Variants in EPHB1 observed in about 807,000 individuals in gnomAD.
EPHB1 encodes ephrin type-B receptor 1.
A neutral mutation model predicts 94.4 loss-of-function variants in EPHB1; 30 were observed. The ratio of observed to expected loss-of-function variants is 0.32; its 90% CI spans 0.24 to 0.43. EPHB1 has a LOEUF of 0.43. Among genes scored for constraint, EPHB1 ranks in the 20% least tolerant of loss-of-function variants. The probability of loss-of-function intolerance (pLI) is 1.00; values close to 1 mark genes in which losing one functional copy is unlikely to be tolerated. For missense variants in EPHB1, 1,055 were observed against 1,308.3 expected, an observed-to-expected ratio of 0.81 and a Z score of 2.99; for synonymous variants, 522 against 489.1, an observed-to-expected ratio of 1.07 and a Z score of -0.89.
intron 3 of EPHB1, among the ~76,000 whole-genome samples, chr3:135,018,591 TA>T (rs1402564667): frequency 3.3e-5 from 5 of 152,306 alleles, no homozygotes; most frequent in African/African-American, 1.2e-4. Context: ...TGAACATATT[TA>T]GTAGATACCT....
rs557865929 is a variant in EPHB1 at position 134,926,685 on chromosome 3, G to A, written c.123+805G>A. Among the ~76,000 whole-genome samples the A allele has an allele frequency of 1.3e-4, 20 of 152,268 alleles. No homozygotes were observed. The East Asian group carries it at 2.3e-3, about 18-fold the overall frequency. ...GTAAGTTGGAACCTGGAAGGGTGGC[G>A]ATGGACTGTGACTGCCATGCTGAGC... On this transcript the variant is annotated intron_variant, in intron 2 of 15. Coordinates refer to ENST00000398015, the MANE Select transcript of EPHB1 (RefSeq NM_004441.5).
chr3:135,117,777 A>C (rs1939773676), intron 4 of EPHB1, among the ~76,000 whole-genome samples: 1 of 152,084 alleles, frequency 6.6e-6, no homozygotes, highest in Non-Finnish European at 1.5e-5. Flanking sequence ...CTTTTAAGCA[A>C]CTCCTCTGAG....
intron 12 of EPHB1, among the ~76,000 whole-genome samples, chr3:135,204,313 C>G (rs1207289301): frequency 6.6e-6 from 1 of 152,128 alleles, no homozygotes; most frequent in Non-Finnish European, 1.5e-5. Context: ...AAGCGATTCT[C>G]CTGTCTCAGC....
intron 5 of EPHB1, among the ~76,000 whole-genome samples, chr3:135,146,838 T>C (rs1305667828): frequency 6.6e-6 from 1 of 152,154 alleles, no homozygotes. Flanking sequence ...AGTGATTGAT[T>C]TGCATATGTG....
intron 4 of EPHB1, among the ~76,000 whole-genome samples, chr3:135,125,377 GCTTATGCC>G (rs1940157147): frequency 6.6e-6 from 1 of 151,804 alleles, no homozygotes; most frequent in Non-Finnish European, 1.5e-5. Context: ...GAACACATAG[GCTTATGCC>G]ACTCTCCAAG....
chr3:134,859,206 A>T (rs1470459589), intron 1 of EPHB1, among the ~76,000 whole-genome samples: 1 of 152,132 alleles, frequency 6.6e-6, no homozygotes. Flanking sequence ...ATGCAGTATG[A>T]TATTTTCTCT....
intron 3 of EPHB1, among the ~76,000 whole-genome samples, chr3:135,056,791 G>T (rs1386977966): frequency 6.6e-6 from 1 of 152,204 alleles, no homozygotes; most frequent in Non-Finnish European, 1.5e-5. Flanking sequence ...TGGCTGTGTG[G>T]TAGGAGGCTG....
chr3:135,105,114 G>T (rs1414404048), intron 3 of EPHB1, among the ~76,000 whole-genome samples: 2 of 152,186 alleles, frequency 1.3e-5, no homozygotes, highest in Admixed American at 6.5e-5. Context: ...ACAGATGGTG[G>T]CTACTGCTAT....
intron 5 of EPHB1, among the ~76,000 whole-genome samples, chr3:135,135,480 G>A (rs1220021161): frequency 6.6e-6 from 1 of 152,120 alleles, no homozygotes; most frequent in Non-Finnish European, 1.5e-5. Flanking sequence ...TTTTACCAGA[G>A]GTGGACAAGA....
rs181136241 is a variant in EPHB1, at chr3:135,022,664, A to T, written c.805+70612A>T. Among the ~76,000 whole-genome samples, 299 of 152,346 alleles carry T rather than the reference A, an allele frequency of 2.0e-3. 1 individual carries two copies. The highest frequency in any genetic ancestry group is 6.8e-3 in the African/African-American group (281 of 41,580). On this transcript the variant is annotated intron_variant, in intron 3 of 15. Coordinates refer to ENST00000398015, the MANE Select transcript of EPHB1 (RefSeq NM_004441.5). ...TTTCAATTCATAAGCACAGTACCAT[A>T]TAGAAAGGTTTTAAAACAGAAGACA...
intron 1 of EPHB1, among the ~76,000 whole-genome samples, chr3:134,879,825 A>G (rs540393770): frequency 2.0e-5 from 2 of 100,448 alleles, no homozygotes; most frequent in Non-Finnish European, 4.2e-5. Flanking sequence ...AAATCAAATT[A>G]AAAAAAAGTA....
chr3:135,254,527 C>A (rs1232427583), intron 15 of EPHB1, among the ~76,000 whole-genome samples: 2 of 150,674 alleles, frequency 1.3e-5, no homozygotes, highest in East Asian at 3.9e-4. Context: ...TATTGATTTG[C>A]GTATATTGAA....
chr3:135,222,726 G>A (rs1943300763), intron 12 of EPHB1, among the ~76,000 whole-genome samples: 1 of 152,196 alleles, frequency 6.6e-6, no homozygotes, highest in South Asian at 2.1e-4. Flanking sequence ...TAATTTGGAT[G>A]AAACTGATCT....
chr3:135,039,472 T>C (rs918624947), intron 3 of EPHB1, among the ~76,000 whole-genome samples: 36 of 151,822 alleles, frequency 2.4e-4, no homozygotes, highest in East Asian at 7.8e-4. Flanking sequence ...CGCCGTGGAG[T>C]AGGGGGTGGT....
chr3:134,844,491 A>G (rs1464495084), intron 1 of EPHB1, among the ~76,000 whole-genome samples: 2 of 152,184 alleles, frequency 1.3e-5, no homozygotes, highest in Non-Finnish European at 2.9e-5. Flanking sequence ...CAGTCATGCC[A>G]TGGTCTCACC....
chr3:135,119,929 C>T (rs945388308), intron 4 of EPHB1, among the ~76,000 whole-genome samples: 2 of 152,172 alleles, frequency 1.3e-5, no homozygotes, highest in Non-Finnish European at 2.9e-5. Flanking sequence ...TTATTATATA[C>T]TAACTGTTTG....
In EPHB1 at chr3:134,795,627, C is replaced by G. The variant is rs755028049; in HGVS notation, c.-5C>G. 7.5e-6 allele frequency: 12 copies of G among 1,603,252 alleles called. No individual in the cohort carries two copies. Among genetic ancestry groups the G allele is most frequent in the African/African-American group, 1.4e-5 (1 of 72,882 alleles). On this transcript the variant is annotated 5_prime_UTR_variant, in exon 1 of 16. Transcript: ENST00000398015. ...TGGTCTCGGCCTGCGGGCCGTCGGC[C>G]GGCGATGGCCCTGGATTATCTACTA...
intron 3 of EPHB1, among the ~76,000 whole-genome samples, chr3:135,022,018 C>T (rs1364800023): frequency 4.6e-5 from 7 of 152,158 alleles, no homozygotes; most frequent in African/African-American, 7.2e-5. Flanking sequence ...CTCGCTCTGT[C>T]GCCCAGGCTG....
rs556982033 is a variant in EPHB1, at chr3:135,011,297, G to A, written c.805+59245G>A. On this transcript the variant is annotated intron_variant, in intron 3 of 15. Coordinates refer to ENST00000398015, the MANE Select transcript of EPHB1 (RefSeq NM_004441.5). ...TAGGTCATTTGATTTTTTTCTACCT[G>A]GATGTCAAGAAGATTCCTTCTTTAT... Among the ~76,000 whole-genome samples, 6 of 152,206 alleles carry A rather than the reference G, an allele frequency of 3.9e-5. No homozygotes were observed. The South Asian group carries it at 1.2e-3, about 32-fold the overall frequency.
Sources: allele counts gnomAD v4.1 joint callset (sites outside exome capture counted in the v4.1 genomes callset), GRCh38; gene constraint gnomAD v4.1.1; transcripts MANE v1.5; gene names NCBI Gene and HGNC (gene_info 2026-07-23, HGNC 2026-07-21).